The following TLN2 variants were observed in gnomAD, a reference collection of about 807,000 sequenced individuals.
The protein encoded by TLN2 is talin 2.
TLN2 carries 118 observed loss-of-function variants against 294.7 expected under a neutral mutation model. That is an observed-to-expected ratio of 0.40 (90% CI 0.34 to 0.47). The LOEUF (loss-of-function observed/expected upper bound fraction) is 0.47, where lower values mean the gene tolerates loss of function less well. Ranked by LOEUF, TLN2 falls within the 20% of genes least tolerant of loss-of-function variation. The pLI, the probability that TLN2 is intolerant of heterozygous loss-of-function variation, is 0.84. For synonymous variants in TLN2, 1,431 were observed against 1,304.5 expected (o/e 1.10, Z -2.09); for missense variants, 3,083 against 3,282.2 (o/e 0.94, Z 1.48).
At chr15:62,798,255 C>T (rs1326870699) in intron 48 of TLN2, among the ~76,000 whole-genome samples, 1 of 152,108 alleles carries the variant, frequency 6.6e-6, no homozygotes, top group African/African-American at 2.4e-5. Context: ...GAGAGAAGAA[C>T]TGGAAGGCTA....
At chr15:62,536,142 A>G (rs748424875) in intron 1 of TLN2, among the ~76,000 whole-genome samples, 1 of 152,186 alleles carries the variant, frequency 6.6e-6, no homozygotes, top group Non-Finnish European at 1.5e-5. Context: ...TTTGCCATGT[A>G]GTTTGGAGAC....
At chr15:62,811,386 T>TAC (rs1680653466) in intron 52 of TLN2, among the ~76,000 whole-genome samples, 1 of 152,208 alleles carries the variant, frequency 6.6e-6, no homozygotes, top group Non-Finnish European at 1.5e-5. Context: ...GGGAAATAGT[T>TAC]AAAGTGTTCA....
chr15:62,722,433 G>A lies in TLN2; in HGVS notation c.3072G>A (p.Gln1024=), dbSNP rs1483184425. Residue 1024 remains glutamine, a synonymous_variant, in exon 26 of 59, where the codon CAG becomes CAA. Coordinates refer to ENST00000636159, the MANE Select transcript of TLN2 (RefSeq NM_015059.3). ...SDQAAAMQLS[Q]CAKNLATSLA... is the part of the protein sequence containing the mutation. ...AGGCCGCAGCCATGCAGCTGAGCCA[G>A]TGTGCCAAGAACCTGGCCACCAGCT... The A allele has an allele frequency of 2.5e-6, 4 of 1,613,202 alleles. No homozygotes were observed. The highest frequency in any genetic ancestry group is 3.3e-5 in the Admixed American group (2 of 60,002).
intron 3 of TLN2, among the ~76,000 whole-genome samples, chr15:62,622,995 G>A (rs1271927153): frequency 6.6e-6 from 1 of 152,208 alleles, no homozygotes; most frequent in African/African-American, 2.4e-5. Context: ...GTGCCAGCCT[G>A]TCTTTCTTAC....
chr15:62,727,902 G>C (rs2060522609), intron 28 of TLN2, among the ~76,000 whole-genome samples: 1 of 152,012 alleles, frequency 6.6e-6, no homozygotes, highest in Non-Finnish European at 1.5e-5. Flanking sequence ...GTGAAGAGGG[G>C]AGGAGTGGGT....
intron 1 of TLN2, among the ~76,000 whole-genome samples, chr15:62,424,040 C>A (rs564221247): frequency 5.1e-4 from 77 of 152,314 alleles, no homozygotes; most frequent in South Asian, 3.7e-3. Context: ...GCACAGGGAT[C>A]TGAATCCTGG....
chr15:62,566,064 C>A (rs1161104530), intron 1 of TLN2, among the ~76,000 whole-genome samples: 1 of 151,914 alleles, frequency 6.6e-6, no homozygotes, highest in Non-Finnish European at 1.5e-5. Flanking sequence ...TGTTGTTTAT[C>A]TGGTATGGCT....
chr15:62,783,875 G>A lies in TLN2; in HGVS notation c.5721G>A (p.Thr1907=), dbSNP rs750541878. 6 of 1,613,892 alleles carry A rather than the reference G, an allele frequency of 3.7e-6. No homozygotes were observed. Among genetic ancestry groups the A allele is most frequent in the Non-Finnish European group, 5.1e-6 (6 of 1,179,986 alleles). ...LAFQGQMAAA[T]AEPEEIGFQI... is the part of the protein sequence containing the mutation. ...TCCAGGGCCAGATGGCAGCAGCCAC[G>A]GCGGAACCAGAGGAGGTCTGCCACC... Residue 1907 remains threonine (T), a synonymous_variant, in exon 45 of 59, where the codon ACG becomes ACA. Coordinates refer to ENST00000636159, the MANE Select transcript of TLN2 (RefSeq NM_015059.3).
At chr15:62,837,063 A>G (rs541746738) in intron 57 of TLN2, among the ~76,000 whole-genome samples, 232 of 152,250 alleles carry the variant, frequency 1.5e-3, no homozygotes, top group Non-Finnish European at 2.9e-3. Context: ...TTTTATTGTA[A>G]GTGTTAAAAT....
At chr15:62,667,416 GCATCCTTTGGGT>G in intron 9 of TLN2, among the ~76,000 whole-genome samples, 1 of 152,134 alleles carries the variant, frequency 6.6e-6, no homozygotes, top group Non-Finnish European at 1.5e-5. Flanking sequence ...GGGTGTTCCA[GCATCCTTTGGGT>G]GATGCTGTCC....
intron 1 of TLN2, among the ~76,000 whole-genome samples, chr15:62,395,531 A>G (rs75827029): frequency 1.4e-3 from 211 of 152,332 alleles, no homozygotes; most frequent in African/African-American, 4.9e-3. Flanking sequence ...AAAGCAGATC[A>G]TTTCTGTGAA....
intron 1 of TLN2, among the ~76,000 whole-genome samples, chr15:62,395,865 T>C (rs1289985171): frequency 2.0e-5 from 3 of 152,164 alleles, no homozygotes; most frequent in African/African-American, 7.2e-5. Flanking sequence ...TTTGAGATGG[T>C]GTCTCAGTCG....
At chr15:62,599,745 G>A (rs1449848808) in intron 2 of TLN2, among the ~76,000 whole-genome samples, 2 of 152,128 alleles carry the variant, frequency 1.3e-5, no homozygotes, top group African/African-American at 2.4e-5. Flanking sequence ...CAGGTGGTCC[G>A]GATGCTTGGT....
rs529454180 is a variant in TLN2, at chr15:62,495,423, C to G, written c.-237-94264C>G. 2.0e-5 allele frequency among the ~76,000 whole-genome samples: 3 copies of G among 152,296 alleles called. No homozygotes were observed. In the South Asian group the frequency reaches 6.2e-4, roughly 32 times the overall value. On this transcript the variant is annotated intron_variant, in intron 1 of 58. Coordinates refer to ENST00000636159, the MANE Select transcript of TLN2 (RefSeq NM_015059.3). ...GACCCCAACTGTGACACTTCTGAAA[C>G]CAATCTTAGGAAAGCCTCTCATGGG...
chr15:62,636,271 T>C (rs2050374723), intron 3 of TLN2, among the ~76,000 whole-genome samples: 1 of 151,610 alleles, frequency 6.6e-6, no homozygotes. Context: ...GATAGATAGA[T>C]AGATAGATAG....
At chr15:62,391,111 G>C (rs912999416) in intron 1 of TLN2, among the ~76,000 whole-genome samples, 14 of 152,288 alleles carry the variant, frequency 9.2e-5, no homozygotes, top group Admixed American at 9.1e-4. Flanking sequence ...CCCCAGCCGG[G>C]CCCCCGCGCC....
At chr15:62,780,438 T>C (rs1423151674) in intron 43 of TLN2, among the ~76,000 whole-genome samples, 3 of 152,206 alleles carry the variant, frequency 2.0e-5, no homozygotes, top group Non-Finnish European at 4.4e-5. Context: ...GATCAGAGTT[T>C]AAGTAAGCAG....
rs143520153 is a variant in TLN2 at position 62,399,834 on chromosome 15, G to T, written c.-238+9149G>T. 1.1e-4 allele frequency among the ~76,000 whole-genome samples: 17 copies of T among 152,270 alleles called. No individual in the cohort carries two copies. The East Asian group carries it at 3.3e-3, about 29-fold the overall frequency. Reference sequence around the variant, plus strand: ...GATTTTACAGGCTTATAGGTGAAAGGGACTTGCCTTGTCTCAGATTAGACT... The same window carrying T: ...GATTTTACAGGCTTATAGGTGAAAGTGACTTGCCTTGTCTCAGATTAGACT... On this transcript the variant is annotated intron_variant, in intron 1 of 58. Transcript: ENST00000636159.
chr15:62,712,504 C>T (rs1268221542), intron 22 of TLN2, among the ~76,000 whole-genome samples: 1 of 152,190 alleles, frequency 6.6e-6, no homozygotes, highest in African/African-American at 2.4e-5. Flanking sequence ...TCCTACTTTA[C>T]GGTTCTTTAA....
Sources: gnomAD v4.1 joint callset for allele counts (sites outside exome capture counted in the v4.1 genomes callset) on GRCh38, gnomAD v4.1.1 for gene constraint, MANE v1.5 for transcripts, NCBI Gene and HGNC (gene_info 2026-07-23, HGNC 2026-07-21) for gene names.